The following SMYD3 variants were observed in gnomAD, a reference collection of about 807,000 sequenced individuals.
The protein encoded by SMYD3 is histone-lysine N-methyltransferase SMYD3.
A neutral mutation model predicts 57.7 loss-of-function variants in SMYD3; 36 were observed. The ratio of observed to expected loss-of-function variants is 0.62; its 90% CI spans 0.48 to 0.82. The LOEUF is 0.82. Among genes scored for constraint, SMYD3 ranks in the 40% least tolerant of loss-of-function variants. The pLI is 0.00. For synonymous variants in SMYD3, 211 were observed against 195.0 expected, an observed-to-expected ratio of 1.08 and a Z score of -0.68; for missense variants, 515 against 538.8, an observed-to-expected ratio of 0.96 and a Z score of 0.44.
At chr1:246,385,385 A>T (rs1428105085) in intron 1 of SMYD3, among the ~76,000 whole-genome samples, 3 of 145,720 alleles carry the variant, frequency 2.1e-5, no homozygotes, top group African/African-American at 7.5e-5. Flanking sequence ...AATACTTAAA[A>T]TTCACATGGC....
intron 1 of SMYD3, among the ~76,000 whole-genome samples, chr1:246,452,017 T>C (rs2103029895): frequency 6.6e-6 from 1 of 152,326 alleles, no homozygotes; most frequent in South Asian, 2.1e-4. Flanking sequence ...TGTTTCTTCA[T>C]CTGTGAAATT....
intron 1 of SMYD3, among the ~76,000 whole-genome samples, chr1:246,501,696 A>C (rs571166441): frequency 2.9e-4 from 44 of 152,296 alleles, no homozygotes; most frequent in Non-Finnish European, 4.7e-4. Context: ...CATCATGCTA[A>C]CCTAGCAATC....
At chr1:245,851,760 T>A (rs1241784574) in intron 10 of SMYD3, among the ~76,000 whole-genome samples, 2 of 152,120 alleles carry the variant, frequency 1.3e-5, no homozygotes, top group Non-Finnish European at 2.9e-5. Context: ...GTTACCAGAA[T>A]AAAGTTCAGC....
chr1:245,894,922 A>C (rs1007762629), intron 8 of SMYD3, among the ~76,000 whole-genome samples: 2 of 152,238 alleles, frequency 1.3e-5, no homozygotes, highest in African/African-American at 4.8e-5. Context: ...CCCGAGGTGG[A>C]CATAACAGGG....
intron 10 of SMYD3, among the ~76,000 whole-genome samples, chr1:245,841,827 C>T (rs2050418192): frequency 6.6e-6 from 1 of 152,150 alleles, no homozygotes; most frequent in Non-Finnish European, 1.5e-5. Context: ...CAGGAAACAT[C>T]TTAATATTAG....
At chr1:246,486,691 A>T (rs1326135201) in intron 1 of SMYD3, among the ~76,000 whole-genome samples, 1 of 152,138 alleles carries the variant, frequency 6.6e-6, no homozygotes, top group African/African-American at 2.4e-5. Flanking sequence ...CAAACCTAAG[A>T]CTTACTTCTC....
intron 5 of SMYD3, among the ~76,000 whole-genome samples, chr1:245,965,673 G>A (rs1404149212): frequency 6.6e-6 from 1 of 152,164 alleles, no homozygotes; most frequent in African/African-American, 2.4e-5. Context: ...ATGACATTAT[G>A]GAAAAGGCGA....
At chr1:246,030,977 T>C (rs2059660944) in intron 5 of SMYD3, among the ~76,000 whole-genome samples, 1 of 152,178 alleles carries the variant, frequency 6.6e-6, no homozygotes, top group Admixed American at 6.5e-5. Flanking sequence ...AGCATGCCTG[T>C]GCTTGTAGGG....
intron 10 of SMYD3, among the ~76,000 whole-genome samples, chr1:245,788,250 A>G (rs977010985): frequency 5.3e-5 from 8 of 152,138 alleles, no homozygotes; most frequent in African/African-American, 1.7e-4. Flanking sequence ...CCAGATTAGC[A>G]CAGGGAACAG....
intron 10 of SMYD3, among the ~76,000 whole-genome samples, chr1:245,802,019 C>T (rs1389918723): frequency 6.6e-6 from 1 of 152,002 alleles, no homozygotes; most frequent in Non-Finnish European, 1.5e-5. Context: ...TCAATCAGTC[C>T]TACTGATTAA....
intron 10 of SMYD3, among the ~76,000 whole-genome samples, chr1:245,788,533 G>C (rs2047141418): frequency 6.6e-6 from 1 of 152,216 alleles, no homozygotes; most frequent in South Asian, 2.1e-4. Flanking sequence ...AGGAAGCAGA[G>C]ATCACCTGCT....
chr1:245,850,283 T>C (rs1394797806), intron 10 of SMYD3, among the ~76,000 whole-genome samples: 2 of 152,228 alleles, frequency 1.3e-5, no homozygotes, highest in Non-Finnish European at 2.9e-5. Flanking sequence ...CTTGGTCAGC[T>C]GTAACTGTGT....
intron 5 of SMYD3, among the ~76,000 whole-genome samples, chr1:246,177,689 T>C (rs553500721): frequency 1.4e-4 from 22 of 152,326 alleles, no homozygotes; most frequent in African/African-American, 5.3e-4. Flanking sequence ...AAAAATGTCT[T>C]GTGACCAGAT....
chr1:246,353,914 G>C (rs1452792576), intron 2 of SMYD3, among the ~76,000 whole-genome samples: 2 of 152,128 alleles, frequency 1.3e-5, no homozygotes, highest in African/African-American at 2.4e-5. Context: ...AATTTAACCA[G>C]CAAATGCCAG....
chr1:245,817,324 G>T (rs1334086584), intron 10 of SMYD3, among the ~76,000 whole-genome samples: 1 of 144,994 alleles, frequency 6.9e-6, no homozygotes, highest in East Asian at 2.1e-4. Context: ...CAACAGCCCT[G>T]CAGCTGAGGG....
intron 5 of SMYD3, among the ~76,000 whole-genome samples, chr1:246,206,548 A>C (rs1405310583): frequency 6.6e-6 from 1 of 152,222 alleles, no homozygotes; most frequent in Non-Finnish European, 1.5e-5. Context: ...TGCTTGAAAA[A>C]AAAGTTACAG....
intron 5 of SMYD3, among the ~76,000 whole-genome samples, chr1:246,138,887 C>G (rs983106082): frequency 1.2e-4 from 18 of 152,128 alleles, no homozygotes; most frequent in Non-Finnish European, 2.2e-4. Context: ...CTCAGTAACT[C>G]AAGACTTTGT....
intron 5 of SMYD3, among the ~76,000 whole-genome samples, chr1:246,228,878 A>C (rs542638390): frequency 6.6e-6 from 1 of 152,228 alleles, no homozygotes; most frequent in East Asian, 1.9e-4. Flanking sequence ...AGTTCCCATG[A>C]TCTTTGAGAC....
At chr1:245,843,517 T>A (rs1319861251) in intron 10 of SMYD3, among the ~76,000 whole-genome samples, 1 of 148,944 alleles carries the variant, frequency 6.7e-6, no homozygotes, top group South Asian at 2.1e-4. Flanking sequence ...AAATGTTTCA[T>A]ATACATGAAT....
Sources: allele counts gnomAD v4.1 joint callset (sites outside exome capture counted in the v4.1 genomes callset), GRCh38; gene constraint gnomAD v4.1.1; transcripts MANE v1.5; gene names NCBI Gene and HGNC (gene_info 2026-07-23, HGNC 2026-07-21).